The following AMPH variants were observed in gnomAD, a reference collection of about 807,000 sequenced individuals.
AMPH encodes the protein amphiphysin (Stiff-Mann syndrome with breast cancer 128kD autoantigen).
A neutral mutation model predicts 99.1 loss-of-function variants in AMPH; 49 were observed. The observed-to-expected ratio is 0.49, with a 90% confidence interval of 0.39 to 0.63. The LOEUF is 0.63. Among genes scored for constraint, AMPH ranks in the 20% least tolerant of loss-of-function variants. The probability of loss-of-function intolerance (pLI) is 0.00; values close to 1 mark genes in which losing one functional copy is unlikely to be tolerated. For missense variants in AMPH, 759 were observed against 863.4 expected, an observed-to-expected ratio of 0.88 and a Z score of 1.52; for synonymous variants, 314 against 317.3, an observed-to-expected ratio of 0.99 and a Z score of 0.11.
intron 1 of AMPH, among the ~76,000 whole-genome samples, chr7:38,624,241 T>A (rs1794165651): frequency 6.6e-6 from 1 of 152,042 alleles, no homozygotes; most frequent in African/African-American, 2.4e-5. Flanking sequence ...ACAATTTAGT[T>A]TGGAAGATGT....
At chr7:38,560,545 C>T (rs548231759) in intron 1 of AMPH, among the ~76,000 whole-genome samples, 1 of 152,336 alleles carries the variant, frequency 6.6e-6, no homozygotes, top group South Asian at 2.1e-4. Context: ...AAAGCTCTGA[C>T]ATCTTTGCAG....
intron 11 of AMPH, among the ~76,000 whole-genome samples, chr7:38,453,804 C>T (rs1342072105): frequency 6.6e-6 from 1 of 152,150 alleles, no homozygotes; most frequent in Non-Finnish European, 1.5e-5. Flanking sequence ...TGAGAGGATG[C>T]TCTTGGAGGG....
chr7:38,596,613 C>T (rs951312901), intron 1 of AMPH, among the ~76,000 whole-genome samples: 9 of 152,148 alleles, frequency 5.9e-5, no homozygotes, highest in African/African-American at 1.9e-4. Flanking sequence ...TGCAGTCAAA[C>T]ACAATCAAAC....
chr7:38,543,432 T>C (rs2129043576), intron 1 of AMPH, among the ~76,000 whole-genome samples: 1 of 152,280 alleles, frequency 6.6e-6, no homozygotes, highest in Non-Finnish European at 1.5e-5. Flanking sequence ...ATGAAGCAGA[T>C]AGATAGAATA....
intron 11 of AMPH, among the ~76,000 whole-genome samples, chr7:38,452,351 G>T (rs370046192): frequency 2.0e-5 from 3 of 152,318 alleles, no homozygotes; most frequent in East Asian, 3.9e-4. Context: ...CATCAAAGCT[G>T]TCTAGTTTTC....
At chr7:38,503,021 C>T (rs189214764) in intron 3 of AMPH, among the ~76,000 whole-genome samples, 62 of 146,834 alleles carry the variant, frequency 4.2e-4, no homozygotes, top group African/African-American at 1.2e-3. Flanking sequence ...GGGCAGGCAG[C>T]GTGATGATGG....
chr7:38,618,310 A>G (rs1793942206), intron 1 of AMPH, among the ~76,000 whole-genome samples: 1 of 151,814 alleles, frequency 6.6e-6, no homozygotes, highest in African/African-American at 2.4e-5. Context: ...CAGGAGATCA[A>G]GACCATCCTG....
At chr7:38,568,959 T>C (rs959781890) in intron 1 of AMPH, among the ~76,000 whole-genome samples, 3 of 152,164 alleles carry the variant, frequency 2.0e-5, no homozygotes, top group Admixed American at 6.5e-5. Context: ...TATTGAGTTA[T>C]ATAAAAACTG....
At chr7:38,456,928 C>T (rs1418762775) in intron 11 of AMPH, among the ~76,000 whole-genome samples, 2 of 152,186 alleles carry the variant, frequency 1.3e-5, no homozygotes, top group Non-Finnish European at 2.9e-5. Context: ...CAAAACTTTA[C>T]CCTGGCCCCC....
rs1237208619 is a variant in AMPH at position 38,438,546 on chromosome 7, T to C, written c.1018-2158A>G. 2.7e-5 allele frequency among the ~76,000 whole-genome samples: 4 copies of C among 146,406 alleles called. No homozygotes were observed. The East Asian group carries it at 7.7e-4, about 28-fold the overall frequency. Reference sequence around the variant, plus strand: ...GTTCTGCAAGTTCTCCATAAAATTTTAGGTCATGGGAATATATTCATTATT... The same window carrying C: ...GTTCTGCAAGTTCTCCATAAAATTTCAGGTCATGGGAATATATTCATTATT... On this transcript the variant is annotated intron_variant, in intron 11 of 20. Coordinates refer to ENST00000356264, the MANE Select transcript of AMPH (RefSeq NM_001635.4).
chr7:38,460,384 G>A (rs994178467), intron 11 of AMPH, among the ~76,000 whole-genome samples: 1 of 152,162 alleles, frequency 6.6e-6, no homozygotes, highest in African/African-American at 2.4e-5. Flanking sequence ...AGGAATACCT[G>A]CACTTGCATG....
chr7:38,496,780 GCC>G (rs1788948737), intron 3 of AMPH, among the ~76,000 whole-genome samples: 1 of 152,102 alleles, frequency 6.6e-6, no homozygotes, highest in Non-Finnish European at 1.5e-5. Context: ...TAATCCAGAT[GCC>G]AAAAAACTTC....
chr7:38,622,478 C>T (rs1343961363), intron 1 of AMPH, among the ~76,000 whole-genome samples: 2 of 151,350 alleles, frequency 1.3e-5, no homozygotes, highest in East Asian at 1.9e-4. Flanking sequence ...CACACACACA[C>T]GCACAAACAC....
intron 2 of AMPH, among the ~76,000 whole-genome samples, chr7:38,515,026 A>G (rs1789687235): frequency 6.6e-6 from 1 of 152,194 alleles, no homozygotes; most frequent in African/African-American, 2.4e-5. Context: ...GGAAAAACCT[A>G]AATCTCCTTA....
At chr7:38,449,948 G>GC (rs766444293) in intron 11 of AMPH, among the ~76,000 whole-genome samples, 5 of 152,194 alleles carry the variant, frequency 3.3e-5, no homozygotes, top group Non-Finnish European at 5.9e-5. Context: ...GACTGATTCT[G>GC]CAAGTTGAAT....
chr7:38,466,514 T>A (rs1438170834), intron 7 of AMPH, among the ~76,000 whole-genome samples: 1 of 151,642 alleles, frequency 6.6e-6, no homozygotes, highest in Non-Finnish European at 1.5e-5. Context: ...TTAGTGTGCA[T>A]GAGAACCACC....
chr7:38,596,363 G>A (rs1282163474), intron 1 of AMPH, among the ~76,000 whole-genome samples: 1 of 152,190 alleles, frequency 6.6e-6, no homozygotes, highest in East Asian at 1.9e-4. Context: ...GCACACACAG[G>A]ATTGGCTCTT....
At chr7:38,387,604 A>C (rs1054091097) in intron 20 of AMPH, among the ~76,000 whole-genome samples, 2 of 152,156 alleles carry the variant, frequency 1.3e-5, no homozygotes, top group South Asian at 4.1e-4. Context: ...AGAGAGAAAT[A>C]GTGAAAGAAA....
chr7:38,542,115 A>T (rs1028460662), intron 1 of AMPH, among the ~76,000 whole-genome samples: 2 of 152,248 alleles, frequency 1.3e-5, no homozygotes, highest in Non-Finnish European at 2.9e-5. Context: ...TTTGAGTCCT[A>T]GCATCCAAGA....
Sources: gnomAD v4.1 joint callset for allele counts (sites outside exome capture counted in the v4.1 genomes callset) on GRCh38, gnomAD v4.1.1 for gene constraint, MANE v1.5 for transcripts, NCBI Gene and HGNC (gene_info 2026-07-23, HGNC 2026-07-21) for gene names.